TIA1: variants seen among roughly 807,000 people sequenced by gnomAD.
TIA1 encodes the protein cytotoxic granule associated RNA binding protein TIA1.
A neutral mutation model predicts 65.9 loss-of-function variants in TIA1; 23 were observed. The observed-to-expected ratio is 0.35, with a 90% CI of 0.25 to 0.49. The LOEUF (loss-of-function observed/expected upper bound fraction) is 0.49. Among genes scored for constraint, TIA1 ranks in the 20% least tolerant of loss-of-function variants. The probability of loss-of-function intolerance (pLI) is 0.98; values close to 1 mark genes in which losing one functional copy is unlikely to be tolerated. For missense variants in TIA1, 371 were observed against 477.9 expected, an observed-to-expected ratio of 0.78 and a Z score of 2.09; for synonymous variants, 147 against 149.4, an observed-to-expected ratio of 0.98 and a Z score of 0.12.
chr2:70,210,584 G>A lies in TIA1; in HGVS notation c.*2135C>T, dbSNP rs747761417. On this transcript the variant is annotated 3_prime_UTR_variant, in exon 13 of 13. Transcript: ENST00000433529. ...CTGGATAATAAAAACTGTTATTACT[G>A]GAGATAGTCAAAATGAAAGAAAACT... 6.6e-5 allele frequency: 10 copies of A among 152,080 alleles called. No homozygotes were observed. The highest frequency in any genetic ancestry group is 1.3e-4 in the Non-Finnish European group (9 of 68,010). 9.4% of individuals were successfully genotyped at this position (152,080 alleles called of 1,614,324 possible).
At chr2:70,238,038 G>A (rs1007552509) in intron 1 of TIA1, among the ~76,000 whole-genome samples, 2 of 151,456 alleles carry the variant, frequency 1.3e-5, no homozygotes, top group Middle Eastern at 3.4e-3. Context: ...GTGGGCGCCT[G>A]TAGTCCCGGC....
intron 2 of TIA1, among the ~76,000 whole-genome samples, chr2:70,232,878 AC>A (rs1346461172): frequency 6.6e-6 from 1 of 152,100 alleles, no homozygotes; most frequent in Non-Finnish European, 1.5e-5. Flanking sequence ...AAAAAAAAAA[AC>A]AAAACTTCCC....
chr2:70,248,196 G>T (rs1260160570), intron 1 of TIA1, among the ~76,000 whole-genome samples: 1 of 152,188 alleles, frequency 6.6e-6, no homozygotes, highest in Non-Finnish European at 1.5e-5. Flanking sequence ...AAAGTGAAGG[G>T]ATTAATTGAG....
intron 1 of TIA1, among the ~76,000 whole-genome samples, chr2:70,241,393 G>A (rs191268671): frequency 6.6e-6 from 1 of 151,732 alleles, no homozygotes; most frequent in Non-Finnish European, 1.5e-5. Flanking sequence ...AGTGAGCCGA[G>A]ATCATGCCAC....
chr2:70,215,656 C>A (rs1678268015), intron 10 of TIA1, 162 bp from the exon 11 acceptor site: 1 of 614,402 alleles, frequency 1.6e-6, no homozygotes, highest in Admixed American at 3.2e-5. Context: ...TCTGGGGCAA[C>A]TTGTGTTAAC....
At chr2:70,226,457 T>G (rs1025728437) in intron 6 of TIA1, among the ~76,000 whole-genome samples, 1 of 152,166 alleles carries the variant, frequency 6.6e-6, no homozygotes, top group African/African-American at 2.4e-5. Context: ...TCAGAAAATG[T>G]TAGTCTTGAA....
At chr2:70,221,227 G>A (rs1681186872) in intron 7 of TIA1, among the ~76,000 whole-genome samples, 1 of 151,798 alleles carries the variant, frequency 6.6e-6, no homozygotes, top group African/African-American at 2.4e-5. Flanking sequence ...GGCTGGTCTC[G>A]AACTTCTGAC....
chr2:70,226,617 CA>C (rs796881895), intron 6 of TIA1, among the ~76,000 whole-genome samples: 1 of 152,044 alleles, frequency 6.6e-6, no homozygotes, highest in Non-Finnish European at 1.5e-5. Flanking sequence ...AATGAAAACA[CA>C]AAATTGTGCA....
chr2:70,227,704 A>T (rs756261483), intron 6 of TIA1, 31 bp downstream of exon 6: 72 of 1,429,304 alleles, frequency 5.0e-5, no homozygotes, highest in Non-Finnish European at 6.8e-5. Context: ...GTTTCTAATT[A>T]AAAGGATTTT....
rs181791979 is a variant in TIA1, at chr2:70,244,701, G to C, written c.26+3704C>G. Among the ~76,000 whole-genome samples the C allele has an allele frequency of 9.0e-3, 1,371 of 151,886 alleles. 26 individuals carry two copies. The highest frequency in any genetic ancestry group is 0.031 in the African/African-American group (1,279 of 41,430). On this transcript the variant is annotated intron_variant, in intron 1 of 12. Transcript: ENST00000433529. ...ATACAAAAAATTAGCCAGGCGTGGT[G>C]GCGGGTGCCTGCAGTCCCAGCTACT...
chr2:70,222,772 G>A (rs560616534), intron 7 of TIA1, among the ~76,000 whole-genome samples: 2 of 152,266 alleles, frequency 1.3e-5, no homozygotes, highest in African/African-American at 2.4e-5. Flanking sequence ...AAAATTAGCC[G>A]TGCATGGTGG....
chr2:70,224,926 T>A (rs1363912784), intron 6 of TIA1: 1 of 1,116,404 alleles, frequency 9.0e-7, no homozygotes, highest in East Asian at 5.5e-5. Flanking sequence ...GCTACTCACA[T>A]GAACTACTTA....
At chr2:70,230,719 T>A (rs1685893102) in intron 3 of TIA1, 37 bp downstream of exon 3, 1 of 1,454,946 alleles carries the variant, frequency 6.9e-7, no homozygotes, top group Non-Finnish European at 9.4e-7. Context: ...TTAAATTTTT[T>A]CAGTGCAAGT....
At chr2:70,238,051 C>T (rs1351032696) in intron 1 of TIA1, among the ~76,000 whole-genome samples, 1 of 150,714 alleles carries the variant, frequency 6.6e-6, no homozygotes, top group Non-Finnish European at 1.5e-5. Flanking sequence ...GTCCCGGCTA[C>T]TCGGGAGGCT....
chr2:70,215,305 C>T (rs1194680865), intron 11 of TIA1, 66 bp downstream of exon 11: 23 of 1,592,636 alleles, frequency 1.4e-5, no homozygotes, highest in Non-Finnish European at 1.9e-5. Flanking sequence ...GGATTATCAA[C>T]AATCTTCACC....
Position 70,209,526 on chromosome 2 carries a change from A to G in TIA1, c.*3193T>C. 2.5e-6 allele frequency: 1 copy of G among 398,230 alleles called. No homozygotes were observed. Among genetic ancestry groups the G allele is most frequent in the Non-Finnish European group, 4.4e-6 (1 of 225,916 alleles). The allele number at this position is 398,230 out of a possible 1,614,324, so 24.7% of individuals were successfully genotyped here. ...TTGGATGTACATTCAAATTCTAAAC[A>G]CAACAGTCAAAATGCAGTGACTGTA... On this transcript the variant is annotated 3_prime_UTR_variant, in exon 13 of 13. Transcript: ENST00000433529.
chr2:70,246,655 GT>G (rs1351644894), intron 1 of TIA1, among the ~76,000 whole-genome samples: 2 of 152,194 alleles, frequency 1.3e-5, no homozygotes, highest in Admixed American at 6.5e-5. Context: ...GGAGGCCGAG[GT>G]GTGCGGATCA....
Position 70,209,683 on chromosome 2 carries a change from T to C in TIA1, c.*3036A>G. 1 of 398,418 alleles carries C rather than the reference T, an allele frequency of 2.5e-6. No individual in the cohort carries two copies. The highest frequency in any genetic ancestry group is 4.4e-6 in the Non-Finnish European group (1 of 225,960). The allele number at this position is 398,418 out of a possible 1,614,324, so 24.7% of individuals were successfully genotyped here. A position where few individuals can be genotyped will look rare whatever the true frequency, so the allele number is the denominator to read the frequency against. On this transcript the variant is annotated 3_prime_UTR_variant, in exon 13 of 13. Transcript: ENST00000433529. ...GTTTATCCCTGCTCATGCTTAAGAT[T>C]GACGATTTCGTGAAATAAAGAACAT...
rs538877066 is a variant in TIA1, at chr2:70,229,628, A to G, written c.223-310T>C. On this transcript the variant is annotated intron_variant, in intron 3 of 12. Transcript: ENST00000433529. Reference sequence around the variant, plus strand: ...TAATTCAGCAAATATTTTGTTATTTACCATGTACAATCCACCATGGAAAAT... The same window carrying G: ...TAATTCAGCAAATATTTTGTTATTTGCCATGTACAATCCACCATGGAAAAT... 9.2e-5 allele frequency among the ~76,000 whole-genome samples: 14 copies of G among 152,254 alleles called. No individual in the cohort carries two copies. In the South Asian group the frequency reaches 2.7e-3, roughly 29 times the overall value.
Sources: allele counts gnomAD v4.1 joint callset (sites outside exome capture counted in the v4.1 genomes callset), GRCh38; gene constraint gnomAD v4.1.1; transcripts MANE v1.5; gene names NCBI Gene and HGNC (gene_info 2026-07-23, HGNC 2026-07-21).